Variants in CHD9 observed in about 807,000 individuals in gnomAD.
The protein encoded by CHD9 is ATP-dependent chromatin remodeler CHD9.
CHD9 carries 77 observed loss-of-function variants against 316.1 expected under a neutral mutation model. That is an observed-to-expected ratio of 0.24 (90% CI 0.20 to 0.29). CHD9 has a LOEUF of 0.29. CHD9 is among the 10% of genes least tolerant of loss of function. CHD9 has a pLI of 1.00. For missense variants in CHD9, 2,763 were observed against 3,438.1 expected (o/e 0.80, Z 4.91); for synonymous variants, 1,129 against 1,158.3 (o/e 0.97, Z 0.51).
At chr16:53,234,044 A>G (rs950141157) in intron 10 of CHD9, among the ~76,000 whole-genome samples, 1 of 152,170 alleles carries the variant, frequency 6.6e-6, no homozygotes, top group East Asian at 1.9e-4. Flanking sequence ...ATTCTTTTAC[A>G]TATAATGTTT....
At chr16:53,234,538 G>T (rs992176426) in intron 10 of CHD9, among the ~76,000 whole-genome samples, 1 of 145,088 alleles carries the variant, frequency 6.9e-6, no homozygotes, top group Admixed American at 6.8e-5. Flanking sequence ...ATTAGGAGTG[G>T]ATGTTAAATT....
Position 53,304,196 on chromosome 16 carries a change from A to C in CHD9, c.6190A>C (p.Met2064Leu), listed in dbSNP as rs963365184. The C allele has an allele frequency of 6.2e-7, 1 of 1,611,832 alleles. No individual in the cohort carries two copies. Among genetic ancestry groups the C allele is most frequent in the Admixed American group, 1.7e-5 (1 of 59,572 alleles). The change falls in exon 31 of 39, where the codon ATG (methionine) becomes CTG (leucine). Residue 2064 changes from methionine (M) to leucine (L), a missense_variant. Around this residue, in one of 15 missense-constraint regions of CHD9, gnomAD observed 663 missense variants for 751.2 expected, o/e 0.88. Coordinates refer to ENST00000447540, the MANE Select transcript of CHD9 (RefSeq NM_001308319.2). ...GCCTCAGTCTTCTGAAGAAGAATCT[A>C]TGTCTTCTGTGGAAACCAGGACACT... is the stretch of plus-strand genomic sequence containing the variant. ...EEPQSSEEES[M>L]SSVETRTLIK...
At chr16:53,099,694 G>A (rs1404013862) in intron 1 of CHD9, among the ~76,000 whole-genome samples, 2 of 152,188 alleles carry the variant, frequency 1.3e-5, no homozygotes, top group Non-Finnish European at 2.9e-5. Context: ...CCTTCCCGCT[G>A]AGTCACACAC....
intron 17 of CHD9, 65 bp downstream of exon 17, chr16:53,250,131 G>A: frequency 9.0e-7 from 1 of 1,106,876 alleles, no homozygotes; most frequent in Non-Finnish European, 1.3e-6. Context: ...GTAACTTTTT[G>A]GTAATCCACA....
intron 2 of CHD9, among the ~76,000 whole-genome samples, chr16:53,177,255 C>T (rs780806846): frequency 7.2e-5 from 11 of 152,064 alleles, no homozygotes; most frequent in South Asian, 2.1e-4. Context: ...TGCGCCTGGC[C>T]GACACCTTAA....
At chr16:53,313,258 G>A (rs1683351389) in intron 34 of CHD9, among the ~76,000 whole-genome samples, 1 of 139,578 alleles carries the variant, frequency 7.2e-6, no homozygotes, top group Non-Finnish European at 1.6e-5. Flanking sequence ...GAAAAAAAAA[G>A]AGCACAAGAG....
intron 38 of CHD9, among the ~76,000 whole-genome samples, chr16:53,322,099 G>A (rs999567555): frequency 3.3e-5 from 5 of 150,744 alleles, no homozygotes; most frequent in South Asian, 2.1e-4. Context: ...CTGGGTTCAA[G>A]TGATTCTCAT....
In CHD9 at chr16:53,138,369, G is replaced by A. The variant is rs551688487; in HGVS notation, c.-164-17557G>A. ...TTGGAGGATATAGTAGTGAAGATGTGTCAGGTTTGATTTAATTTGAAATGA... is the reference window on the plus strand; with the variant it reads ...TTGGAGGATATAGTAGTGAAGATGTATCAGGTTTGATTTAATTTGAAATGA... On this transcript the variant is annotated intron_variant, in intron 1 of 38. Transcript: ENST00000447540. 4.7e-4 allele frequency among the ~76,000 whole-genome samples: 72 copies of A among 152,316 alleles called. 2 individuals carry two copies. In the South Asian group the frequency reaches 0.013, roughly 28 times the overall value.
intron 1 of CHD9, among the ~76,000 whole-genome samples, chr16:53,073,645 G>A (rs1364231398): frequency 6.6e-6 from 1 of 152,208 alleles, no homozygotes; most frequent in South Asian, 2.1e-4. Flanking sequence ...GGTTTCCTCA[G>A]TACTGTTCTC....
intron 34 of CHD9, among the ~76,000 whole-genome samples, chr16:53,309,487 A>G (rs1172351894): frequency 6.6e-6 from 1 of 152,234 alleles, no homozygotes; most frequent in African/African-American, 2.4e-5. Flanking sequence ...CAATTATCAG[A>G]TCTCCCCTAC....
chr16:53,297,651 G>T (rs1191246093), intron 30 of CHD9, among the ~76,000 whole-genome samples: 3 of 152,200 alleles, frequency 2.0e-5, no homozygotes, highest in Non-Finnish European at 4.4e-5. Context: ...GAATTGTTCT[G>T]GGATGCATTT....
chr16:53,119,199 CAT>C (rs1324857001), intron 1 of CHD9, among the ~76,000 whole-genome samples: 2 of 152,096 alleles, frequency 1.3e-5, no homozygotes. Flanking sequence ...AATGGTATCA[CAT>C]ATGTCCAAAC....
Position 53,070,911 on chromosome 16 carries a change from G to C in CHD9, c.-165+15834G>C, listed in dbSNP as rs1441601053. ...TTTGATTACTGTAGCTTTGTAGTAA[G>C]TTTTGAAATCAGGATGTGTGAGTCC... On this transcript the variant is annotated intron_variant, in intron 1 of 38. Coordinates refer to ENST00000447540, the MANE Select transcript of CHD9 (RefSeq NM_001308319.2). 3.3e-5 allele frequency among the ~76,000 whole-genome samples: 5 copies of C among 152,166 alleles called. No homozygotes were observed. In the East Asian group the frequency reaches 9.6e-4, roughly 29 times the overall value.
At chr16:53,107,947 T>C (rs1014587357) in intron 1 of CHD9, among the ~76,000 whole-genome samples, 1 of 151,994 alleles carries the variant, frequency 6.6e-6, no homozygotes, top group African/African-American at 2.4e-5. Context: ...AAGCAGGGGA[T>C]ACAATAGGGA....
In CHD9 at chr16:53,321,565, A is replaced by G. The variant is rs755458731; in HGVS notation, c.7753A>G (p.Arg2585Gly). 14 of 1,554,086 alleles carry G rather than the reference A, an allele frequency of 9.0e-6. No homozygotes were observed. In the South Asian group the frequency reaches 1.7e-4, roughly 19 times the overall value. The change falls in exon 38 of 39, where the codon AGA (arginine) becomes GGA (glycine). Residue 2585 changes from arginine to glycine, a missense_variant. Arg to Gly is a moderately radical substitution (Grantham distance 125). Coordinates refer to ENST00000447540, the MANE Select transcript of CHD9 (RefSeq NM_001308319.2). Reference sequence around the variant, plus strand: ...TGCTCCCCCTTTGAAAGATTTATGTAGATTCCTAAAAGAAAATTCAGAATA... The same window carrying G: ...TGCTCCCCCTTTGAAAGATTTATGTGGATTCCTAAAAGAAAATTCAGAATA... ...AFAPPLKDLCRFLKENSEYGV... is the reference protein window; with the variant it reads ...AFAPPLKDLCGFLKENSEYGV...
chr16:53,314,767 C>A, intron 35 of CHD9, 56 bp from the exon 36 acceptor site: 3 of 1,307,714 alleles, frequency 2.3e-6, no homozygotes, highest in South Asian at 1.3e-5. Context: ...TTTATTGAAC[C>A]AATATTAGAA....
intron 1 of CHD9, among the ~76,000 whole-genome samples, chr16:53,117,443 C>T (rs925871943): frequency 1.3e-5 from 2 of 151,772 alleles, no homozygotes; most frequent in Admixed American, 1.3e-4. Flanking sequence ...GAAACAGAAT[C>T]TCACTCTGTT....
chr16:53,143,497 C>T (rs969610647), intron 1 of CHD9, among the ~76,000 whole-genome samples: 2 of 151,866 alleles, frequency 1.3e-5, no homozygotes, highest in African/African-American at 4.8e-5. Flanking sequence ...ATACCATTCT[C>T]CTGCCTCAGC....
chr16:53,069,133 T>C (rs2033784488), intron 1 of CHD9, among the ~76,000 whole-genome samples: 1 of 152,008 alleles, frequency 6.6e-6, no homozygotes, highest in Non-Finnish European at 1.5e-5. Context: ...GCCTCCAGAG[T>C]AGCTGGGATT....
Sources: gnomAD v4.1 joint callset for allele counts (sites outside exome capture counted in the v4.1 genomes callset) on GRCh38, gnomAD v4.1.1 for gene constraint, gnomAD v4.1.1 regional missense constraint, MANE v1.5 for transcripts, NCBI Gene and HGNC (gene_info 2026-07-23, HGNC 2026-07-21) for gene names.